The following MYO1D variants were observed in gnomAD, a reference collection of about 807,000 sequenced individuals.
MYO1D encodes myosin ID.
A neutral mutation model predicts 122.0 loss-of-function variants in MYO1D; 83 were observed. The ratio of observed to expected loss-of-function variants is 0.68; its 90% CI spans 0.57 to 0.82. The LOEUF (loss-of-function observed/expected upper bound fraction) is 0.82. MYO1D is among the 40% of genes least tolerant of loss of function. MYO1D has a pLI of 0.00. For synonymous variants in MYO1D, 464 were observed against 446.9 expected (o/e 1.04, Z -0.48); for missense variants, 1,157 against 1,269.5 (o/e 0.91, Z 1.35).
At chr17:32,740,713 G>A (rs1419109502) in intron 13 of MYO1D, among the ~76,000 whole-genome samples, 1 of 152,074 alleles carries the variant, frequency 6.6e-6, no homozygotes, top group African/African-American at 2.4e-5. Flanking sequence ...GGGCTCACGC[G>A]ATTCTCCCAC....
At chr17:32,738,148 C>T in intron 14 of MYO1D, 105 bp downstream of exon 14, 1 of 986,372 alleles carries the variant, frequency 1.0e-6, no homozygotes, top group Non-Finnish European at 1.4e-6. Context: ...ACATATTCTT[C>T]AATCTACATG....
At chr17:32,547,867 T>C (rs2086977690) in intron 21 of MYO1D, among the ~76,000 whole-genome samples, 1 of 151,916 alleles carries the variant, frequency 6.6e-6, no homozygotes, top group Non-Finnish European at 1.5e-5. Flanking sequence ...GGAGAATCAC[T>C]TGAACCTGGG....
chr17:32,494,487 G>T lies in MYO1D; in HGVS notation c.*272C>A. 1 of 456,486 alleles carries T rather than the reference G, an allele frequency of 2.2e-6. No homozygotes were observed. Among genetic ancestry groups the T allele is most frequent in the Non-Finnish European group, 3.9e-6 (1 of 254,480 alleles). The allele number at this position is 456,486 out of a possible 1,614,324, so 28.3% of individuals were successfully genotyped here. A position where few individuals can be genotyped will look rare whatever the true frequency, so the allele number is the denominator to read the frequency against. On this transcript the variant is annotated 3_prime_UTR_variant, in exon 22 of 22. Coordinates refer to ENST00000318217, the MANE Select transcript of MYO1D (RefSeq NM_015194.3). ...CACCAACTAAAGGCACCATCCAGTT[G>T]CCTCTGGGGTGAGATTGGTCTGGAC...
rs1349988787 is a variant in MYO1D, at chr17:32,749,079, A to G, written c.1468-73T>C. The G allele has an allele frequency of 2.3e-6, 3 of 1,285,442 alleles. No individual in the cohort carries two copies. In the African/African-American group the frequency reaches 4.4e-5, roughly 19 times the overall value. 79.6% of individuals were successfully genotyped at this position (1,285,442 alleles called of 1,614,324 possible). A position where few individuals can be genotyped will look rare whatever the true frequency, so the allele number is the denominator to read the frequency against. ...TCCTAAAAATATATTCCAGCTTAAT[A>G]TGAAATGATGATAATATCACAAATT... On this transcript the variant is annotated intron_variant, in intron 11 of 21. Coordinates refer to ENST00000318217, the MANE Select transcript of MYO1D (RefSeq NM_015194.3).
chr17:32,726,185 A>C (rs990304000), intron 14 of MYO1D, among the ~76,000 whole-genome samples: 5 of 152,140 alleles, frequency 3.3e-5, no homozygotes, highest in Admixed American at 6.5e-5. Flanking sequence ...TTGGGAGGCC[A>C]AGGTGGGCAG....
intron 16 of MYO1D, among the ~76,000 whole-genome samples, chr17:32,706,002 C>A (rs1222830516): frequency 1.3e-5 from 2 of 152,204 alleles, no homozygotes; most frequent in Non-Finnish European, 2.9e-5. Context: ...GTCAATTAAA[C>A]CTCTTTCCTT....
chr17:32,666,133 C>T (rs1247470773), intron 16 of MYO1D, among the ~76,000 whole-genome samples: 1 of 152,084 alleles, frequency 6.6e-6, no homozygotes, highest in Non-Finnish European at 1.5e-5. Flanking sequence ...TGGGGAGAGA[C>T]CTAGTGTCTA....
At chr17:32,596,968 C>G (rs545280687) in intron 21 of MYO1D, among the ~76,000 whole-genome samples, 1 of 152,314 alleles carries the variant, frequency 6.6e-6, no homozygotes, top group African/African-American at 2.4e-5. Context: ...CCTCTGTAAA[C>G]CACTGGCACT....
chr17:32,596,306 C>G (rs868323172), intron 21 of MYO1D, among the ~76,000 whole-genome samples: 1 of 152,182 alleles, frequency 6.6e-6, no homozygotes, highest in East Asian at 1.9e-4. Flanking sequence ...AACGGGTATT[C>G]AGGTTTGGGG....
intron 1 of MYO1D, among the ~76,000 whole-genome samples, chr17:32,836,902 T>G (rs2151070666): frequency 6.6e-6 from 1 of 152,264 alleles, no homozygotes; most frequent in African/African-American, 2.4e-5. Context: ...CCTGAGTATA[T>G]ACCTAGGAGT....
chr17:32,590,103 ATACT>A (rs1263919258), intron 21 of MYO1D, among the ~76,000 whole-genome samples: 3 of 152,146 alleles, frequency 2.0e-5, no homozygotes, highest in Non-Finnish European at 4.4e-5. Flanking sequence ...TTATATTTTT[ATACT>A]TACTTCTCCC....
chr17:32,786,768 T>A (rs892415783), intron 1 of MYO1D, among the ~76,000 whole-genome samples: 3 of 151,944 alleles, frequency 2.0e-5, no homozygotes, highest in Non-Finnish European at 4.4e-5. Context: ...TGCAGTGAGC[T>A]GAGATCGCGC....
chr17:32,858,811 G>T (rs1336506176), intron 1 of MYO1D, among the ~76,000 whole-genome samples: 2 of 152,128 alleles, frequency 1.3e-5, no homozygotes, highest in Non-Finnish European at 2.9e-5. Flanking sequence ...ATTAGTTTAT[G>T]TAAGTATGGA....
chr17:32,791,091 T>G (rs2090345849), intron 1 of MYO1D, among the ~76,000 whole-genome samples: 1 of 152,148 alleles, frequency 6.6e-6, no homozygotes, highest in Non-Finnish European at 1.5e-5. Flanking sequence ...GAGCTGGGCA[T>G]GGTGGCTCAC....
At chr17:32,726,622 T>C (rs1035336103) in intron 14 of MYO1D, among the ~76,000 whole-genome samples, 8 of 149,560 alleles carry the variant, frequency 5.3e-5, no homozygotes, top group Non-Finnish European at 1.2e-4. Context: ...ATAATAGATA[T>C]AGATATTAGA....
At chr17:32,841,466 CAA>C (rs549196518) in intron 1 of MYO1D, among the ~76,000 whole-genome samples, 31 of 129,092 alleles carry the variant, frequency 2.4e-4, no homozygotes, top group Admixed American at 2.4e-4. Flanking sequence ...GACCCTGTCT[CAA>C]AAAAAAAAAA....
At chr17:32,634,978 A>G (rs1412300422) in intron 20 of MYO1D, among the ~76,000 whole-genome samples, 1 of 152,240 alleles carries the variant, frequency 6.6e-6, no homozygotes, top group Non-Finnish European at 1.5e-5. Context: ...CAAAATGAAT[A>G]GTAGGAATTA....
intron 16 of MYO1D, among the ~76,000 whole-genome samples, chr17:32,708,713 G>A (rs1275298715): frequency 1.3e-5 from 2 of 152,146 alleles, no homozygotes; most frequent in Non-Finnish European, 2.9e-5. Flanking sequence ...TGAGCATAGG[G>A]AAGGAGACCC....
intron 21 of MYO1D, chr17:32,510,769 A>G (rs1909667121): frequency 6.6e-6 from 1 of 152,044 alleles, no homozygotes. Context: ...CTCCACCAAC[A>G]TCAGACTTGG....
Sources: gnomAD v4.1 joint callset for allele counts (sites outside exome capture counted in the v4.1 genomes callset) on GRCh38, gnomAD v4.1.1 for gene constraint, MANE v1.5 for transcripts, NCBI Gene and HGNC (gene_info 2026-07-23, HGNC 2026-07-21) for gene names.